Variants in LINGO3 observed in about 807,000 individuals in gnomAD.
LINGO3 encodes the protein leucine-rich repeat and immunoglobulin-like domain-containing nogo receptor-interacting protein 3.
For synonymous variants in LINGO3, 427 were observed against 444.2 expected (o/e 0.96, Z 0.49); for missense variants, 750 against 867.7 (o/e 0.86, Z 1.70).
chr19:2,290,437 C>G lies in LINGO3; in HGVS notation c.1340G>C (p.Arg447Pro). ...GCCCGCGCTGGTGGCCGTCACCGGC[C>G]GGTGCTGGGGGGTCACCCAGGCCAC... Residue 447 changes from arginine to proline, a missense_variant, in exon 1 of 1, where the codon CGG (arginine) becomes CCG (proline). Coordinates refer to ENST00000585527, the Ensembl canonical transcript of LINGO3. The surrounding 1 kb of genome is among the most constrained non-coding windows in gnomAD (Gnocchi z 6.0). 2.8e-6 allele frequency: 4 copies of G among 1,413,344 alleles called. No homozygotes were observed. The highest frequency in any genetic ancestry group is 2.7e-6 in the Non-Finnish European group (3 of 1,092,862). 87.6% of individuals were successfully genotyped at this position (1,413,344 alleles called of 1,614,324 possible).
chr19:2,307,628 C>T, the LINGO3 span, among the ~76,000 whole-genome samples: 1 of 152,224 alleles, frequency 6.6e-6, no homozygotes, highest in African/African-American at 2.4e-5. Context: ...CCCAGATACC[C>T]TTTGCGTCTT....
At chr19:2,292,529 A>T (rs1480197269), upstream of LINGO3, among the ~76,000 whole-genome samples, 3 of 151,220 alleles carry the variant, frequency 2.0e-5, no homozygotes, top group Non-Finnish European at 2.9e-5. Context: ...TCACTCTGTC[A>T]TCCAGGCTGG....
At chr19:2,301,261 T>G in the LINGO3 span, among the ~76,000 whole-genome samples, 1 of 149,716 alleles carries the variant, frequency 6.7e-6, no homozygotes, top group East Asian at 2.0e-4. Flanking sequence ...GATTTAGTGT[T>G]TTTTTTTTTA....
At chr19:2,302,848 G>C in the LINGO3 span, among the ~76,000 whole-genome samples, 1 of 152,224 alleles carries the variant, frequency 6.6e-6, no homozygotes, top group Non-Finnish European at 1.5e-5. Flanking sequence ...CTGAACAGGT[G>C]GGGGTGGTCC....
chr19:2,291,279 C>T (rs1159586916), exon 1 of LINGO3: 3 of 1,612,416 alleles, frequency 1.9e-6, no homozygotes, highest in Non-Finnish European at 2.5e-6. Context: ...AGGCGCGGCG[C>T]GAGACGAATA....
chr19:2,297,083 C>G, the LINGO3 span, among the ~76,000 whole-genome samples: 1 of 151,190 alleles, frequency 6.6e-6, no homozygotes, highest in Non-Finnish European at 1.5e-5. Context: ...CAGAGCGAGA[C>G]TCCGTCTCAA....
rs777298189 is a variant in LINGO3 at position 2,290,801 on chromosome 19, A to G, written c.976T>C (p.Ser326Pro). 1 of 1,612,564 alleles carries G rather than the reference A, an allele frequency of 6.2e-7. No individual in the cohort carries two copies. The highest frequency in any genetic ancestry group is 1.1e-5 in the South Asian group (1 of 91,082). The change falls in exon 1 of 1, where the codon TCC (serine) becomes CCC (proline). Residue 326 changes from serine (S) to proline (P), a missense_variant. Ser to Pro is a moderately conservative substitution (Grantham distance 74, BLOSUM62 -1). Transcript: ENST00000585527. This position sits in a 1 kb window ranked among gnomAD's most constrained non-coding sequence, Gnocchi z 6.0. ...TCCAACGTGGAGAGCAGGTTGTTGG[A>G]GAGGTTGAGCAGGCGGATCTGGCGC...
At chr19:2,296,173 G>A (rs959812979), upstream of LINGO3, among the ~76,000 whole-genome samples, 1 of 152,202 alleles carries the variant, frequency 6.6e-6, no homozygotes, top group Non-Finnish European at 1.5e-5. Flanking sequence ...GCTGTGTCAC[G>A]GGAGGGGACA....
chr19:2,289,656 G>C, downstream of LINGO3: 1 of 276,608 alleles, frequency 3.6e-6, no homozygotes, highest in East Asian at 8.4e-5. Context: ...GTGAATTGCG[G>C]GCCCTGAGGA....
At position 2,290,636 on chromosome 19, in the gene LINGO3, T is replaced by G. The variant is rs199646908; in HGVS notation, c.1141A>C (p.Thr381Pro). The G allele has an allele frequency of 1.9e-6, 3 of 1,594,584 alleles. No individual in the cohort carries two copies. The highest frequency in any genetic ancestry group is 1.7e-5 in the Admixed American group (1 of 58,346). Residue 381 changes from threonine (T) to proline (P), a missense_variant, in exon 1 of 1, where the codon ACC (threonine) becomes CCC (proline). Thr to Pro is a conservative substitution (Grantham distance 38). Coordinates refer to ENST00000585527, the Ensembl canonical transcript of LINGO3. The surrounding 1 kb of genome is among the most constrained non-coding windows in gnomAD (Gnocchi z 6.0). ...GCGTCGCCGCGCACCTCGGCCGGGGTGGCGCAGGCCGGCAGCCGCCCGTCG... is the reference window on the plus strand; with the variant it reads ...GCGTCGCCGCGCACCTCGGCCGGGGGGGCGCAGGCCGGCAGCCGCCCGTCG...
At chr19:2,299,242 C>G in the LINGO3 span, among the ~76,000 whole-genome samples, 1 of 152,108 alleles carries the variant, frequency 6.6e-6, no homozygotes, top group Non-Finnish European at 1.5e-5. Context: ...GAGGGGGGAT[C>G]TGGCAGCTGG....
At chr19:2,291,580 A>ATGCGGT in exon 1 of LINGO3, 2 of 1,565,732 alleles carry the variant, frequency 1.3e-6, no homozygotes, top group Non-Finnish European at 1.7e-6. Context: ...CAGGCAGCGG[A>ATGCGGT]TGCGGTTGCG....
the LINGO3 span, among the ~76,000 whole-genome samples, chr19:2,308,130 G>A: frequency 7.5e-6 from 1 of 133,548 alleles, no homozygotes; most frequent in East Asian, 2.1e-4. Context: ...GCCGCCCGGA[G>A]CCGACACGAG....
chr19:2,302,165 G>A, the LINGO3 span, among the ~76,000 whole-genome samples: 3 of 144,784 alleles, frequency 2.1e-5, no homozygotes, highest in Admixed American at 7.1e-5. Context: ...GGGTTAAAGC[G>A]ATTCTCCTGC....
the LINGO3 span, among the ~76,000 whole-genome samples, chr19:2,298,270 G>A: frequency 6.6e-6 from 1 of 152,034 alleles, no homozygotes; most frequent in Non-Finnish European, 1.5e-5. Context: ...TTGCTCTGTT[G>A]CCCAGGTTGG....
In LINGO3 at chr19:2,290,991, C is replaced by T. The variant is rs1002971424; in HGVS notation, c.786G>A (p.Pro262=). 2 of 1,611,352 alleles carry T rather than the reference C, an allele frequency of 1.2e-6. No individual in the cohort carries two copies. Among genetic ancestry groups the T allele is most frequent in the Admixed American group, 1.7e-5 (1 of 59,912 alleles). Residue 262 remains proline (P), a synonymous_variant, in exon 1 of 1, where the codon CCG becomes CCA. Coordinates refer to ENST00000585527, the Ensembl canonical transcript of LINGO3. The surrounding 1 kb of genome is among the most constrained non-coding windows in gnomAD (Gnocchi z 6.0). The stretch of plus-strand genomic sequence containing the variant: ...GCGCCTGGTGCCGCAGCGCGGCGGC[C>T]GGCACGGCGGTGATGTTGGTGTGGG...
At chr19:2,293,327 G>A (rs1028818259), upstream of LINGO3, among the ~76,000 whole-genome samples, 1 of 150,380 alleles carries the variant, frequency 6.6e-6, no homozygotes, top group Non-Finnish European at 1.5e-5. Flanking sequence ...GCCTCCCAAA[G>A]TGCTGGGATT....
chr19:2,290,126 C>G lies in LINGO3; in HGVS notation c.1651G>C (p.Val551Leu), dbSNP rs755230705. 3.7e-6 allele frequency: 6 copies of G among 1,611,730 alleles called. No homozygotes were observed. The highest frequency in any genetic ancestry group is 5.1e-6 in the Non-Finnish European group (6 of 1,179,224). The change falls in exon 1 of 1, where the codon GTG becomes CTG. Residue 551 changes from valine (V) to leucine (L), a missense_variant. Val to Leu is a conservative substitution (Grantham distance 32). Coordinates refer to ENST00000585527, the Ensembl canonical transcript of LINGO3. This position sits in a 1 kb window ranked among gnomAD's most constrained non-coding sequence, Gnocchi z 6.0. ...TGCTGCCCGCGGCCGCGGCTCCACA[C>G]GAACAGCAGCACGAAGCAGAAGAGG...
chr19:2,297,180 C>G, the LINGO3 span, among the ~76,000 whole-genome samples: 1 of 152,040 alleles, frequency 6.6e-6, no homozygotes, highest in Non-Finnish European at 1.5e-5. Flanking sequence ...CAAGACCCTA[C>G]AGCAAGCAGC....
Sources: gnomAD v4.1 joint callset for allele counts (sites outside exome capture counted in the v4.1 genomes callset) on GRCh38, gnomAD v4.1.1 for gene constraint, Gnocchi (gnomAD v3.1) non-coding constraint, MANE v1.5 for transcripts, NCBI Gene and HGNC (gene_info 2026-07-23, HGNC 2026-07-21) for gene names.